The following PPP2R2D variants were observed in gnomAD, a reference collection of about 807,000 sequenced individuals.
PPP2R2D encodes the protein protein phosphatase 2 regulatory subunit Bdelta.
A neutral mutation model predicts 31.1 loss-of-function variants in PPP2R2D; 9 were observed. The ratio of observed to expected loss-of-function variants is 0.29; its 90% CI spans 0.17 to 0.51. PPP2R2D has a LOEUF of 0.51. PPP2R2D is among the 20% of genes least tolerant of loss of function. PPP2R2D has a pLI of 0.98. For synonymous variants in PPP2R2D, 179 were observed against 172.6 expected, an observed-to-expected ratio of 1.04 and a Z score of -0.29; for missense variants, 391 against 465.6, an observed-to-expected ratio of 0.84 and a Z score of 1.48.
rs1320077043 is a variant in PPP2R2D, at chr10:131,908,226, TGTTTAC to T, written c.100+6900_100+6905del. Among the ~76,000 whole-genome samples the T allele has an allele frequency of 9.3e-4, 142 of 152,334 alleles. 2 individuals are homozygous for T. In the East Asian group the frequency reaches 0.024, roughly 26 times the overall value. On this transcript the variant is annotated intron_variant, in intron 2 of 8. Transcript: ENST00000455566. ...CCTTCCACTGGGCCTGGCCTCTTAA[TGTTTAC>T]GTTATTATTCAGTGATTATTCCCAT...
intron 2 of PPP2R2D, among the ~76,000 whole-genome samples, chr10:131,912,942 T>G (rs1280556600): frequency 6.6e-6 from 1 of 152,228 alleles, no homozygotes; most frequent in Admixed American, 6.5e-5. Context: ...GTTTCTATTC[T>G]TTGAATTGCT....
rs562142763 is a variant in PPP2R2D at position 131,941,774 on chromosome 10, G to T, written c.477+1080G>T. On this transcript the variant is annotated intron_variant, in intron 5 of 8. Coordinates refer to ENST00000455566, the MANE Select transcript of PPP2R2D (RefSeq NM_018461.5). ...CTGATGCCATTTCTCCAGCTTTGCCGTGTGGGGTGGCTACACCTGGGGTTG... is the reference window on the plus strand; with the variant it reads ...CTGATGCCATTTCTCCAGCTTTGCCTTGTGGGGTGGCTACACCTGGGGTTG... 5.3e-5 allele frequency among the ~76,000 whole-genome samples: 8 copies of T among 152,282 alleles called. No homozygotes were observed. In the South Asian group the frequency reaches 1.7e-3, roughly 32 times the overall value.
chr10:131,924,219 T>C (rs1408759743), intron 2 of PPP2R2D, among the ~76,000 whole-genome samples: 2 of 152,190 alleles, frequency 1.3e-5, no homozygotes, highest in Non-Finnish European at 2.9e-5. Flanking sequence ...TTTGGTATTA[T>C]ATGTAAGAGA....
In PPP2R2D at chr10:131,947,141, G is replaced by A. The variant is rs1589957155; in HGVS notation, c.821-389G>A. Among the ~76,000 whole-genome samples, 1 of 152,194 alleles carries A rather than the reference G, an allele frequency of 6.6e-6. No homozygotes were observed. The highest frequency in any genetic ancestry group is 1.9e-4 in the East Asian group (1 of 5,186). On this transcript the variant is annotated intron_variant, in intron 7 of 8. Transcript: ENST00000455566. The surrounding 1 kb of genome is among the most constrained non-coding windows in gnomAD (Gnocchi z 4.3). ...AGAATTTCACGTGCTCGGGCCTGGTGCCATGAGGACGCGGAGACACTCCTA... is the reference window on the plus strand; with the variant it reads ...AGAATTTCACGTGCTCGGGCCTGGTACCATGAGGACGCGGAGACACTCCTA...
intron 2 of PPP2R2D, among the ~76,000 whole-genome samples, chr10:131,917,201 G>A (rs1379421303): frequency 7.0e-6 from 1 of 141,898 alleles, no homozygotes; most frequent in Non-Finnish European, 1.5e-5. Context: ...CCTCAGGTGG[G>A]TGGAATGACA....
the PPP2R2D span, chr10:131,968,451 C>T: frequency 4.0e-6 from 5 of 1,261,628 alleles, no homozygotes; most frequent in Non-Finnish European, 5.8e-6. Flanking sequence ...CAGGATCTAA[C>T]AGCTCTTCAG....
intron 3 of PPP2R2D, among the ~76,000 whole-genome samples, chr10:131,939,165 AGACC>A (rs2036397684): frequency 1.3e-5 from 1 of 79,392 alleles, no homozygotes; most frequent in Non-Finnish European, 2.5e-5. Flanking sequence ...TGCATTCGGC[AGACC>A]TGCTCCAGAA....
At chr10:131,911,814 G>A (rs2035688707) in intron 2 of PPP2R2D, 1 of 152,220 alleles carries the variant, frequency 6.6e-6, no homozygotes, top group African/African-American at 2.4e-5. Context: ...CAGTAGGAGT[G>A]TCAAGGACAG....
chr10:131,901,575 G>A (rs2035497013), intron 2 of PPP2R2D, among the ~76,000 whole-genome samples: 1 of 152,270 alleles, frequency 6.6e-6, no homozygotes, highest in African/African-American at 2.4e-5. Flanking sequence ...AGTCACCAAG[G>A]TCACGGGCGG....
chr10:131,970,911 T>G, the PPP2R2D span: 28 of 1,614,118 alleles, frequency 1.7e-5, no homozygotes, highest in Non-Finnish European at 2.2e-5. This position sits in a 1 kb window ranked among gnomAD's most constrained non-coding sequence, Gnocchi z 4.1. Context: ...ATATCCAATC[T>G]GAGTTTTTCT....
At chr10:131,968,704 T>C in the PPP2R2D span, 12 of 644,492 alleles carry the variant, frequency 1.9e-5, no homozygotes, top group Non-Finnish European at 3.0e-5. Context: ...TATAAAAATT[T>C]TGTAATGAAT....
intron 7 of PPP2R2D, among the ~76,000 whole-genome samples, chr10:131,946,678 G>A (rs929734523): frequency 2.6e-5 from 4 of 152,018 alleles, no homozygotes; most frequent in Non-Finnish European, 5.9e-5. Flanking sequence ...AATGCTTGGC[G>A]TCGGCACAGC....
chr10:131,965,876 T>C, the PPP2R2D span, among the ~76,000 whole-genome samples: 1 of 152,208 alleles, frequency 6.6e-6, no homozygotes, highest in Non-Finnish European at 1.5e-5. Context: ...TCCCTTCTCA[T>C]CGCGAGCTCT....
intron 5 of PPP2R2D, 99 bp downstream of exon 5, chr10:131,940,793 G>A: frequency 1.6e-6 from 1 of 643,344 alleles, no homozygotes; most frequent in Non-Finnish European, 2.8e-6. Flanking sequence ...GTACTGTGAG[G>A]TCTGCTGTGA....
chr10:131,944,253 C>T, intron 6 of PPP2R2D, 108 bp downstream of exon 6: 1 of 870,422 alleles, frequency 1.1e-6, no homozygotes, highest in Non-Finnish European at 1.8e-6. Context: ...CTTGTAAATA[C>T]CATCACTGCA....
At chr10:131,904,222 AG>A (rs2035547253) in intron 2 of PPP2R2D, among the ~76,000 whole-genome samples, 1 of 77,556 alleles carries the variant, frequency 1.3e-5, no homozygotes, top group South Asian at 4.2e-4. Flanking sequence ...AAAAAAAAGG[AG>A]AGAGATGGCC....
chr10:131,931,280 G>A (rs943672091), intron 2 of PPP2R2D, among the ~76,000 whole-genome samples: 7 of 152,254 alleles, frequency 4.6e-5, no homozygotes, highest in Non-Finnish European at 1.5e-5. Context: ...GTAGTAGTCA[G>A]CAGATCTCCA....
At chr10:131,909,065 G>A (rs2035642757) in intron 2 of PPP2R2D, among the ~76,000 whole-genome samples, 1 of 152,246 alleles carries the variant, frequency 6.6e-6, no homozygotes, top group African/African-American at 2.4e-5. Context: ...GACTTGGGTA[G>A]GGAGTGGAGG....
In PPP2R2D at chr10:131,953,708, G is replaced by GC. The variant is rs148199662; in HGVS notation, c.1083-1976_1083-1975insC. 3.6e-3 allele frequency among the ~76,000 whole-genome samples: 220 copies of GC among 61,512 alleles called. 1 individual carries two copies. The highest frequency in any genetic ancestry group is 0.011 in the East Asian group (12 of 1,068). The allele number at this position is 61,512 out of a possible 152,430, so 40.4% of individuals were successfully genotyped here. A position where few individuals can be genotyped will look rare whatever the true frequency, so the allele number is the denominator to read the frequency against. Reference sequence around the variant, plus strand: ...TCTTAGCAGTGACTTGCGGGTGTGTGGGGGGGTCACTGTCTTAGTGACTTG... The same window carrying GC: ...TCTTAGCAGTGACTTGCGGGTGTGTGCGGGGGGTCACTGTCTTAGTGACTTG... On this transcript the variant is annotated intron_variant, in intron 8 of 8. Transcript: ENST00000455566.
Sources: gnomAD v4.1 joint callset for allele counts (sites outside exome capture counted in the v4.1 genomes callset) on GRCh38, gnomAD v4.1.1 for gene constraint, Gnocchi (gnomAD v3.1) non-coding constraint, MANE v1.5 for transcripts, NCBI Gene and HGNC (gene_info 2026-07-23, HGNC 2026-07-21) for gene names.